The following ORC4 variants were observed in gnomAD, a reference collection of about 807,000 sequenced individuals.
ORC4 encodes origin recognition complex, subunit 4 homolog.
In ORC4, 55 loss-of-function variants were observed where a neutral mutation model predicts 63.9. That is an observed-to-expected ratio of 0.86 (90% CI 0.69 to 1.08). ORC4 has a LOEUF of 1.08. ORC4 is among the 50% of genes least tolerant of loss of function. The pLI is 0.00. For missense variants in ORC4, 511 were observed against 504.4 expected, an observed-to-expected ratio of 1.01 and a Z score of -0.13; for synonymous variants, 150 against 168.5, an observed-to-expected ratio of 0.89 and a Z score of 0.85.
At chr2:147,937,969 A>G (rs906421007) in intron 13 of ORC4, 177 bp downstream of exon 13, 5 of 632,134 alleles carry the variant, frequency 7.9e-6, no homozygotes, top group Non-Finnish European at 1.1e-5. Flanking sequence ...AACTAAAACA[A>G]CCGGTCACTT....
At chr2:147,946,821 G>A (rs1000793797) in intron 9 of ORC4, among the ~76,000 whole-genome samples, 4 of 151,950 alleles carry the variant, frequency 2.6e-5, no homozygotes, top group African/African-American at 9.7e-5. Context: ...TATTTAGCAT[G>A]TATATAAACT....
chr2:147,938,540 T>C (rs189043976), intron 11 of ORC4, 147 bp from the exon 12 acceptor site: 1 of 619,302 alleles, frequency 1.6e-6, no homozygotes, highest in East Asian at 2.8e-5. Context: ...GTGTTTCAAT[T>C]ATCTATATAA....
intron 1 of ORC4, chr2:147,981,852 A>G (rs560176059): frequency 2.5e-4 from 38 of 152,364 alleles, no homozygotes; most frequent in African/African-American, 9.1e-4. Context: ...ACATTTCAAT[A>G]ACCTGAAGGA....
intron 4 of ORC4, among the ~76,000 whole-genome samples, chr2:147,970,500 T>C (rs1690149752): frequency 6.7e-6 from 1 of 150,256 alleles, no homozygotes; most frequent in Non-Finnish European, 1.5e-5. Flanking sequence ...AGCAAGGGAA[T>C]AGAAAGAGAA....
chr2:148,017,263 G>C (rs1467332489), intron 1 of ORC4, among the ~76,000 whole-genome samples: 2 of 152,216 alleles, frequency 1.3e-5, no homozygotes, highest in Non-Finnish European at 2.9e-5. Context: ...ATGAAAAGCT[G>C]AGGTATTTTA....
intron 8 of ORC4, among the ~76,000 whole-genome samples, chr2:147,949,054 T>TAC (rs1558835589): frequency 6.8e-6 from 1 of 147,800 alleles, no homozygotes; most frequent in East Asian, 1.9e-4. Flanking sequence ...TCTATATATA[T>TAC]ACAGTATAGT....
chr2:147,963,896 A>G (rs1030144120), intron 4 of ORC4, among the ~76,000 whole-genome samples: 4 of 152,194 alleles, frequency 2.6e-5, no homozygotes, highest in African/African-American at 9.6e-5. Flanking sequence ...ACTGTATCCA[A>G]CTAGAACCAA....
At chr2:148,018,871 G>T (rs1484280264) in intron 1 of ORC4, among the ~76,000 whole-genome samples, 1 of 152,184 alleles carries the variant, frequency 6.6e-6, no homozygotes, top group African/African-American at 2.4e-5. Flanking sequence ...ATGGAGAGGG[G>T]AGCTTCTCAG....
intron 9 of ORC4, among the ~76,000 whole-genome samples, chr2:147,947,505 C>A (rs1312631406): frequency 1.3e-5 from 2 of 151,904 alleles, no homozygotes; most frequent in East Asian, 3.8e-4. Flanking sequence ...ACATATGAAC[C>A]TGCCTTTGTA....
At chr2:148,021,498 ACTG>A, upstream of ORC4, 43 of 569,768 alleles carry the variant, frequency 7.5e-5, no homozygotes, top group East Asian at 1.8e-4. Flanking sequence ...TGCTGCTGCT[ACTG>A]CTGCTGCTGC....
intron 1 of ORC4, among the ~76,000 whole-genome samples, chr2:147,982,321 A>G (rs1221877181): frequency 6.6e-6 from 1 of 152,228 alleles, no homozygotes; most frequent in East Asian, 1.9e-4. Context: ...CTATCAGCCA[A>G]AATCTAAAAT....
chr2:147,973,168 C>G (rs1489613260), intron 3 of ORC4, among the ~76,000 whole-genome samples: 1 of 152,136 alleles, frequency 6.6e-6, no homozygotes, highest in Non-Finnish European at 1.5e-5. Flanking sequence ...CCATAGCTGG[C>G]TGCTGGGTAT....
At position 148,000,073 on chromosome 2, in the gene ORC4, T is replaced by TA. The variant is rs367668839; in HGVS notation, c.-18+20559dup. Among the ~76,000 whole-genome samples, 88 of 147,170 alleles carry TA rather than the reference T, an allele frequency of 6.0e-4. 2 individuals are homozygous for TA. Among genetic ancestry groups the TA allele is most frequent in the African/African-American group, 2.1e-3 (85 of 40,094 alleles). ...AGAAAGTATGAAGAAAAAAAAAACA[T>TA]AAAAAATGACAGAAAAAAAATAGGT... is the stretch of plus-strand genomic sequence containing the variant. On this transcript the variant is annotated intron_variant, in intron 1 of 13. Coordinates refer to ENST00000392857, the MANE Select transcript of ORC4 (RefSeq NM_181741.4).
chr2:147,979,629 C>A (rs1690752108), intron 1 of ORC4, among the ~76,000 whole-genome samples: 1 of 152,026 alleles, frequency 6.6e-6, no homozygotes, highest in Non-Finnish European at 1.5e-5. Context: ...CTAAGACAAT[C>A]ATGAGCTAAA....
chr2:147,944,679 A>G (rs909828790), intron 9 of ORC4, among the ~76,000 whole-genome samples: 4 of 137,792 alleles, frequency 2.9e-5, no homozygotes, highest in African/African-American at 1.1e-4. Flanking sequence ...AATCATCTGC[A>G]TGGAATAAGG....
Position 147,943,503 on chromosome 2 carries a change from C to T in ORC4, c.782G>A (p.Ser261Asn). 2.0e-6 allele frequency: 3 copies of T among 1,492,110 alleles called. No homozygotes were observed. The highest frequency in any genetic ancestry group is 1.9e-6 in the Non-Finnish European group (2 of 1,072,142). The allele number at this position is 1,492,110 out of a possible 1,614,324, so 92.4% of individuals were successfully genotyped here. A position where few individuals can be genotyped will look rare whatever the true frequency, so the allele number is the denominator to read the frequency against. ...ENVQYLSEDRSVQEVLQKHFN... is the reference protein window; with the variant it reads ...ENVQYLSEDRNVQEVLQKHFN... ...ATGCTTCTGTAGTACTTCTTGCACA[C>T]TTCTATCTTCTGAGAGATACTAAAA... Residue 261 changes from serine to asparagine, a missense_variant, in exon 10 of 14, where the codon AGT becomes AAT. Coordinates refer to ENST00000392857, the MANE Select transcript of ORC4 (RefSeq NM_181741.4).
Position 147,946,409 on chromosome 2 carries a change from T to G in ORC4, c.762+1642A>C, listed in dbSNP as rs74362961. On this transcript the variant is annotated intron_variant, in intron 9 of 13. Transcript: ENST00000392857. Reference sequence around the variant, plus strand: ...TGGAATAAGACAATCAGTTCAGGAGTTGTAGAAGATGAAAGTCTGTGAGGC... The same window carrying G: ...TGGAATAAGACAATCAGTTCAGGAGGTGTAGAAGATGAAAGTCTGTGAGGC... Among the ~76,000 whole-genome samples the G allele has an allele frequency of 1.4e-3, 207 of 151,412 alleles. 1 individual carries two copies. The highest frequency in any genetic ancestry group is 4.8e-3 in the African/African-American group (199 of 41,268).
chr2:147,938,119 G>T, intron 13 of ORC4, 27 bp downstream of exon 13: 3 of 1,503,872 alleles, frequency 2.0e-6, no homozygotes, highest in Non-Finnish European at 2.8e-6. Context: ...CTTGTCTGTA[G>T]AAAAATGACA....
intron 1 of ORC4, among the ~76,000 whole-genome samples, chr2:148,014,463 A>G (rs1693145027): frequency 6.6e-6 from 1 of 152,202 alleles, no homozygotes; most frequent in Non-Finnish European, 1.5e-5. Flanking sequence ...TAAAAAAGAT[A>G]CTATTATTCT....
Sources: allele counts gnomAD v4.1 joint callset (sites outside exome capture counted in the v4.1 genomes callset), GRCh38; gene constraint gnomAD v4.1.1; transcripts MANE v1.5; gene names NCBI Gene and HGNC (gene_info 2026-07-23, HGNC 2026-07-21).